Variants in RPS2 observed in about 807,000 individuals in gnomAD.
The protein encoded by RPS2 is ribosomal protein S2.
RPS2 carries 8 observed loss-of-function variants against 25.3 expected under a neutral mutation model. That is an observed-to-expected ratio of 0.32 (90% CI 0.19 to 0.57). RPS2 has a LOEUF of 0.57. Ranked by LOEUF, RPS2 falls within the 20% of genes least tolerant of loss-of-function variation. RPS2 has a pLI of 0.90. For synonymous variants in RPS2, 181 were observed against 161.3 expected (o/e 1.12, Z -0.92); for missense variants, 229 against 408.1 (o/e 0.56, Z 3.78).
chr16:1,962,962 C>A (rs1385956309), intron 4 of RPS2, 53 bp from the exon 5 acceptor site: 1 of 1,577,958 alleles, frequency 6.3e-7, no homozygotes, highest in Admixed American at 1.7e-5. Flanking sequence ...AATCACTGCC[C>A]ACCGCCCAGG....
chr16:1,962,138 G>A lies in RPS2; in HGVS notation c.842C>T (p.Ser281Phe). 1.3e-6 allele frequency: 2 copies of A among 1,580,634 alleles called. No individual in the cohort carries two copies. The highest frequency in any genetic ancestry group is 1.7e-6 in the Non-Finnish European group (2 of 1,171,522). Reference protein sequence around the residue: ...DHLVKTHTRVSVQRTQAPAVA... With the variant: ...DHLVKTHTRVFVQRTQAPAVA... ...AGCTGGAGCCTGAGTCCGCTGCACG[G>A]AGACTCTGGTGTGGGTCTTGACGAG... The change falls in exon 7 of 7, where the codon TCC (serine) becomes TTC (phenylalanine). Residue 281 changes from serine (S) to phenylalanine (F), a missense_variant. This residue lies in a region of RPS2 where 32 missense variants were observed against 29.4 expected (regional missense o/e 1.09). Transcript: ENST00000343262.
rs1269087259 is a variant in RPS2, at chr16:1,964,002, C to T, written c.267+274G>A. 6.2e-6 allele frequency: 3 copies of T among 485,128 alleles called. No homozygotes were observed. The East Asian group carries it at 1.2e-4, about 19-fold the overall frequency. 30.1% of individuals were successfully genotyped at this position (485,128 alleles called of 1,614,324 possible). ...TCATCATCCTCTCGGATGGCATGAA[C>T]CAAGCGCTGCTTCTCTTTCAGTTCT... On this transcript the variant is annotated intron_variant, in intron 3 of 6. Transcript: ENST00000343262.
intron 4 of RPS2, 113 bp downstream of exon 4, chr16:1,963,036 C>A (rs1235934963): frequency 2.2e-6 from 3 of 1,363,544 alleles, no homozygotes; most frequent in Non-Finnish European, 3.1e-6. Flanking sequence ...CTGAGGAGAT[C>A]TTTTCTCTCT....
In RPS2 at chr16:1,964,816, C is replaced by G. The variant is rs1332305874; in HGVS notation, c.-13G>C. 1.9e-6 allele frequency: 1 copy of G among 535,836 alleles called. No individual in the cohort carries two copies. Among genetic ancestry groups the G allele is most frequent in the Non-Finnish European group, 3.2e-6 (1 of 308,370 alleles). 33.2% of individuals were successfully genotyped at this position (535,836 alleles called of 1,614,324 possible). ...GACCAACAGGACTCACGTGTTTTGT[C>G]GGAAAAGAAGAACGAGACCTACTGG... On this transcript the variant is annotated 5_prime_UTR_variant, in exon 1 of 7. Transcript: ENST00000343262.
chr16:1,964,654 A>T (rs758719920), intron 1 of RPS2, 26 bp from the exon 2 acceptor site: 1 of 1,230,670 alleles, frequency 8.1e-7, no homozygotes, highest in Admixed American at 2.4e-5. Context: ...AGAAGGAACT[A>T]GTCAGTGTGG....
intron 4 of RPS2, 119 bp from the exon 5 acceptor site, chr16:1,963,028 G>A (rs748069553): frequency 7.3e-7 from 1 of 1,376,508 alleles, no homozygotes; most frequent in Middle Eastern, 1.8e-4. Flanking sequence ...CCGAGGTCCT[G>A]AGGAGATCTT....
Position 1,964,218 on chromosome 16 carries a change from C to G in RPS2, c.267+58G>C, listed in dbSNP as rs1597039150. 7 of 1,313,528 alleles carry G rather than the reference C, an allele frequency of 5.3e-6. No homozygotes were observed. In the East Asian group the frequency reaches 1.6e-4, roughly 30 times the overall value. The allele number at this position is 1,313,528 out of a possible 1,614,324, so 81.4% of individuals were successfully genotyped here. On this transcript the variant is annotated intron_variant, in intron 3 of 6. Coordinates refer to ENST00000343262, the MANE Select transcript of RPS2 (RefSeq NM_002952.4). ...CAATGGCAGATGCTAATCCTCCAAC[C>G]CCAGCCCAAATGACTCCGGGGTCGC... is the stretch of plus-strand genomic sequence containing the variant.
intron 3 of RPS2, chr16:1,964,055 G>C: frequency 1.7e-6 from 1 of 575,786 alleles, no homozygotes; most frequent in Non-Finnish European, 3.1e-6. Flanking sequence ...GCGAATGTGG[G>C]AAGATGCGCT....
At position 1,963,275 on chromosome 16, in the gene RPS2, T is replaced by C. The variant is rs557847699; in HGVS notation, c.268-19A>G. 1.2e-4 allele frequency: 167 copies of C among 1,440,986 alleles called. 2 individuals are homozygous for C. In the African/African-American group the frequency reaches 2.3e-3, roughly 20 times the overall value. 89.3% of individuals were successfully genotyped at this position (1,440,986 alleles called of 1,614,324 possible). A position where few individuals can be genotyped will look rare whatever the true frequency, so the allele number is the denominator to read the frequency against. On this transcript the variant is annotated intron_variant, in intron 3 of 6. Transcript: ENST00000343262. The stretch of plus-strand genomic sequence containing the variant: ...CTGATTCCTGAAACAAACAAGAAAA[T>C]TGTAGGGAGAGCATTAAAAAAAAAC...
Position 1,962,851 on chromosome 16 carries a change from T to C in RPS2, c.434A>G (p.Lys145Arg), listed in dbSNP as rs927854415. The part of the protein sequence containing the change: ...GHVGLGVKCS[K>R]EVATAIRGAI... Reference sequence around the variant, plus strand: ...CCCACGGATGGCGGTGGCCACCTCCTTGGAGCACTTAACACCCAGACCGAC... The same window carrying C: ...CCCACGGATGGCGGTGGCCACCTCCCTGGAGCACTTAACACCCAGACCGAC... Residue 145 changes from lysine to arginine, a missense_variant, in exon 5 of 7, where the codon AAG (lysine) becomes AGG (arginine). Physicochemically the swap from Lys to Arg is conservative, Grantham distance 26 (BLOSUM62 2). Transcript: ENST00000343262. The C allele has an allele frequency of 6.2e-7, 1 of 1,605,244 alleles. No individual in the cohort carries two copies. Among genetic ancestry groups the C allele is most frequent in the African/African-American group, 1.3e-5 (1 of 74,928 alleles).
In RPS2 at chr16:1,962,666, G is replaced by T. The variant is rs1301754275; in HGVS notation, c.550-10C>A. The T allele has an allele frequency of 6.3e-6, 10 of 1,592,886 alleles. No individual in the cohort carries two copies. The highest frequency in any genetic ancestry group is 2.1e-4 in the Middle Eastern group (1 of 4,708). On this transcript the variant is annotated splice_polypyrimidine_tract_variant and intron_variant, in intron 5 of 6. Coordinates refer to ENST00000343262, the MANE Select transcript of RPS2 (RefSeq NM_002952.4). ...CGCAGCGGCCTGTCACCTGGTGAGG[G>T]AAGGAGTCAGGAGACGGGGGCCCGA...
intron 3 of RPS2, chr16:1,963,815 G>C (rs1421404087): frequency 2.2e-6 from 1 of 458,096 alleles, no homozygotes; most frequent in African/African-American, 2.0e-5. Context: ...TCCAGCTTTG[G>C]CCTAGCCATG....
chr16:1,964,778 G>A lies in RPS2; in HGVS notation c.-4+29C>T, dbSNP rs957231440. ...CGCGGATTCCCGCCGCCCACGCAGA[G>A]GCCCGCTGCAGCGACCAACAGGACT... On this transcript the variant is annotated intron_variant, in intron 1 of 6. Coordinates refer to ENST00000343262, the MANE Select transcript of RPS2 (RefSeq NM_002952.4). The A allele has an allele frequency of 5.4e-6, 3 of 553,948 alleles. 1 individual carries two copies. The East Asian group carries it at 9.6e-5, about 18-fold the overall frequency. The allele number at this position is 553,948 out of a possible 1,614,324, so 34.3% of individuals were successfully genotyped here.
chr16:1,963,392 C>T (rs148943697), intron 3 of RPS2, 136 bp from the exon 4 acceptor site: 102 of 605,726 alleles, frequency 1.7e-4, no homozygotes, highest in African/African-American at 1.6e-3. Context: ...CTGAGGTGGG[C>T]GGATCACAAG....
Position 1,962,137 on chromosome 16 carries a change from G to A in RPS2, c.843C>T (p.Ser281=), listed in dbSNP as rs780839321. 91 of 1,579,824 alleles carry A rather than the reference G, an allele frequency of 5.8e-5. No individual in the cohort carries two copies. Among genetic ancestry groups the A allele is most frequent in the Admixed American group, 1.9e-4 (10 of 53,560 alleles). ...DHLVKTHTRV[S]VQRTQAPAVA... ...CAGCTGGAGCCTGAGTCCGCTGCAC[G>A]GAGACTCTGGTGTGGGTCTTGACGA... The change falls in exon 7 of 7, where the codon TCC becomes TCT. Residue 281 remains serine (S), a synonymous_variant. Transcript: ENST00000343262.
At chr16:1,964,747 G>A (rs966811233) in intron 1 of RPS2, 60 bp downstream of exon 1, 6 of 574,002 alleles carry the variant, frequency 1.0e-5, no homozygotes, top group African/African-American at 6.0e-5. Flanking sequence ...GACCCGACCC[G>A]ATGTCCGCGG....
At chr16:1,963,062 G>C (rs781441081) in intron 4 of RPS2, 87 bp downstream of exon 4, 1 of 1,377,214 alleles carries the variant, frequency 7.3e-7, no homozygotes, top group Non-Finnish European at 1.0e-6. Flanking sequence ...CGTTACGAAA[G>C]TCACACGGGT....
Position 1,962,542 on chromosome 16 carries a change from A to T in RPS2, c.664T>A (p.Cys222Ser). 1 of 1,611,776 alleles carries T rather than the reference A, an allele frequency of 6.2e-7. No homozygotes were observed. Among genetic ancestry groups the T allele is most frequent in the East Asian group, 2.2e-5 (1 of 44,878 alleles). The change falls in exon 6 of 7, where the codon TGC (cysteine) becomes AGC (serine). Residue 222 changes from cysteine (C) to serine (S), a missense_variant. This residue lies in a region of RPS2 where 79 missense variants were observed against 159.0 expected (regional missense o/e 0.50). Coordinates refer to ENST00000343262, the MANE Select transcript of RPS2 (RefSeq NM_002952.4). ...GTGCAGCCCCGGGCTGAGGTGTAGCAGTCATCGATACCAGCCATCATGAGC... is the reference window on the plus strand; with the variant it reads ...GTGCAGCCCCGGGCTGAGGTGTAGCTGTCATCGATACCAGCCATCATGAGC... ...KLLMMAGIDD[C>S]YTSARGCTAT...
At position 1,964,642 on chromosome 16, in the gene RPS2, CAAG is replaced by C. The variant is rs1342577236; in HGVS notation, c.-3-17_-3-15del. 7.5e-6 allele frequency: 10 copies of C among 1,325,192 alleles called. No individual in the cohort carries two copies. In the African/African-American group the frequency reaches 9.1e-5, roughly 12 times the overall value. 82.1% of individuals were successfully genotyped at this position (1,325,192 alleles called of 1,614,324 possible). A position where few individuals can be genotyped will look rare whatever the true frequency, so the allele number is the denominator to read the frequency against. ...ATCCGCCATTTGCTGGGAAAAGCGACAAGAAGGAACTAGTCAGTGTGGCCTACG... is the reference window on the plus strand; with the variant it reads ...ATCCGCCATTTGCTGGGAAAAGCGACAAGGAACTAGTCAGTGTGGCCTACG... On this transcript the variant is annotated splice_polypyrimidine_tract_variant and intron_variant, in intron 1 of 6. Transcript: ENST00000343262.
Sources: gnomAD v4.1 joint callset for allele counts on GRCh38, gnomAD v4.1.1 for gene constraint, gnomAD v4.1.1 regional missense constraint, MANE v1.5 for transcripts, NCBI Gene and HGNC (gene_info 2026-07-23, HGNC 2026-07-21) for gene names.